EIF2AK4: variants seen among roughly 807,000 people sequenced by gnomAD.
EIF2AK4 encodes eukaryotic translation initiation factor 2 alpha kinase 4.
EIF2AK4 carries 139 observed loss-of-function variants against 211.1 expected under a neutral mutation model. The ratio of observed to expected loss-of-function variants is 0.66; its 90% confidence interval spans 0.57 to 0.76. The LOEUF is 0.76. EIF2AK4 is among the 30% of genes least tolerant of loss of function. The pLI, the probability that EIF2AK4 is intolerant of heterozygous loss-of-function variation, is 0.00. For synonymous variants in EIF2AK4, 710 were observed against 751.3 expected (o/e 0.94, Z 0.90); for missense variants, 1,664 against 2,043.8 (o/e 0.81, Z 3.58).
intron 14 of EIF2AK4, 94 bp from the exon 15 acceptor site, chr15:39,987,889 C>A: frequency 7.0e-7 from 1 of 1,422,194 alleles, no homozygotes; most frequent in Non-Finnish European, 9.7e-7. Context: ...ACCCATGGTA[C>A]ACGTTTTAAA....
intron 24 of EIF2AK4, 121 bp downstream of exon 24, chr15:40,007,186 AT>A: frequency 1.1e-6 from 1 of 915,038 alleles, no homozygotes; most frequent in Non-Finnish European, 1.6e-6. Flanking sequence ...TGGGTTCAGA[AT>A]ATTGAGCTTA....
chr15:39,970,256 T>C (rs1356531944), intron 9 of EIF2AK4, among the ~76,000 whole-genome samples: 1 of 152,258 alleles, frequency 6.6e-6, no homozygotes, highest in East Asian at 1.9e-4. Context: ...GAGAAGTTCA[T>C]TTTTAAAGTG....
chr15:40,014,430 A>G (rs1418004050), intron 27 of EIF2AK4, among the ~76,000 whole-genome samples: 2 of 152,208 alleles, frequency 1.3e-5, no homozygotes, highest in African/African-American at 4.8e-5. Flanking sequence ...GTGCATCTGC[A>G]GGCTCAACAG....
At chr15:39,941,403 G>A (rs1171144072) in intron 2 of EIF2AK4, among the ~76,000 whole-genome samples, 1 of 152,130 alleles carries the variant, frequency 6.6e-6, no homozygotes, top group African/African-American at 2.4e-5. Context: ...AAAAACATAA[G>A]ATGCTCCTCT....
Position 40,022,570 on chromosome 15 carries a change from G to A in EIF2AK4, c.4354G>A (p.Ala1452Thr), listed in dbSNP as rs2035405785. ...YCRHHEITYV[A>T]LVSDKEGSHV... ...CAGACATCATGAAATCACCTATGTG[G>A]CCCTTGTCTCGGATAAAGAAGGAAG... The change falls in exon 32 of 39, where the codon GCC (alanine) becomes ACC (threonine). Residue 1452 changes from alanine to threonine, a missense_variant. Physicochemically the swap from Ala to Thr is moderately conservative, Grantham distance 58. Transcript: ENST00000263791. The A allele has an allele frequency of 6.2e-7, 1 of 1,614,162 alleles. No homozygotes were observed. The highest frequency in any genetic ancestry group is 2.2e-5 in the East Asian group (1 of 44,872).
rs1365038448 is a variant in EIF2AK4 at position 39,942,671 on chromosome 15, G to T, written c.258-712G>T. ...GAAACCCGAGGGCTGGTTGTGTAAT[G>T]TCCTTGAGTTGAAAGTGTTGACTTA... On this transcript the variant is annotated intron_variant, in intron 2 of 38. Coordinates refer to ENST00000263791, the MANE Select transcript of EIF2AK4 (RefSeq NM_001013703.4). Among the ~76,000 whole-genome samples, 3 of 152,316 alleles carry T rather than the reference G, an allele frequency of 2.0e-5. No individual in the cohort carries two copies. The East Asian group carries it at 5.8e-4, about 29-fold the overall frequency.
chr15:39,945,467 T>A (rs1334575511), intron 3 of EIF2AK4, among the ~76,000 whole-genome samples: 1 of 152,204 alleles, frequency 6.6e-6, no homozygotes, highest in East Asian at 1.9e-4. Flanking sequence ...ATGAGGGAGC[T>A]GCAGAAGAAA....
intron 3 of EIF2AK4, among the ~76,000 whole-genome samples, chr15:39,946,289 A>C (rs2034226665): frequency 6.6e-6 from 1 of 152,214 alleles, no homozygotes; most frequent in South Asian, 2.1e-4. Flanking sequence ...CAACATGAAC[A>C]GGAGTTTGGA....
chr15:40,011,190 A>C (rs1257619777), intron 26 of EIF2AK4, 91 bp from the exon 27 acceptor site: 8 of 1,015,422 alleles, frequency 7.9e-6, no homozygotes, highest in Non-Finnish European at 1.2e-5. Flanking sequence ...TTCAAAATGA[A>C]GGCTATACTT....
intron 7 of EIF2AK4, among the ~76,000 whole-genome samples, chr15:39,963,509 T>C (rs1236157116): frequency 6.6e-6 from 1 of 152,246 alleles, no homozygotes; most frequent in Non-Finnish European, 1.5e-5. Flanking sequence ...TTTTAAAATA[T>C]GCCCTAATTG....
At chr15:40,019,976 T>C (rs2035360710) in intron 30 of EIF2AK4, among the ~76,000 whole-genome samples, 1 of 151,706 alleles carries the variant, frequency 6.6e-6, no homozygotes, top group African/African-American at 2.4e-5. Flanking sequence ...CTGGGCAACA[T>C]AGCAAAACCC....
At chr15:39,969,034 T>C (rs1413795357) in intron 9 of EIF2AK4, among the ~76,000 whole-genome samples, 1 of 152,098 alleles carries the variant, frequency 6.6e-6, no homozygotes, top group Non-Finnish European at 1.5e-5. Context: ...TTAAACATAT[T>C]TATTTAAATG....
In EIF2AK4 at chr15:39,945,261, C is replaced by T. The variant is rs868516295; in HGVS notation, c.360+1776C>T. 9.2e-5 allele frequency among the ~76,000 whole-genome samples: 14 copies of T among 151,860 alleles called. No individual in the cohort carries two copies. The South Asian group carries it at 1.7e-3, about 18-fold the overall frequency. On this transcript the variant is annotated intron_variant, in intron 3 of 38. Coordinates refer to ENST00000263791, the MANE Select transcript of EIF2AK4 (RefSeq NM_001013703.4). ...TCCCAAAGTGCTAGGATTACAGGCC[C>T]GAGCCACCACACCCAGCCTGATTTA...
chr15:40,009,524 G>A lies in EIF2AK4; in HGVS notation c.3577-90G>A, dbSNP rs2035208621. 3 of 739,618 alleles carry A rather than the reference G, an allele frequency of 4.1e-6. No homozygotes were observed. In the South Asian group the frequency reaches 5.2e-5, roughly 13 times the overall value. The allele number at this position is 739,618 out of a possible 1,614,324, so 45.8% of individuals were successfully genotyped here. A position where few individuals can be genotyped will look rare whatever the true frequency, so the allele number is the denominator to read the frequency against. ...TAAATTCAATCCTTCCATTGTGTTA[G>A]GATGACAAATTGGTGGTAAGTTTCC... On this transcript the variant is annotated intron_variant, in intron 25 of 38. Coordinates refer to ENST00000263791, the MANE Select transcript of EIF2AK4 (RefSeq NM_001013703.4).
At chr15:39,949,528 T>A (rs890988717) in intron 4 of EIF2AK4, among the ~76,000 whole-genome samples, 10 of 152,116 alleles carry the variant, frequency 6.6e-5, no homozygotes, top group African/African-American at 2.2e-4. Context: ...CCACCTGTGG[T>A]CTTTTGGAGC....
chr15:39,982,465 C>T (rs2034804651), intron 13 of EIF2AK4, among the ~76,000 whole-genome samples: 1 of 152,200 alleles, frequency 6.6e-6, no homozygotes. Context: ...TGTGTAGCAA[C>T]AGACCTGTAA....
At chr15:39,993,336 A>T (rs2034977103) in intron 18 of EIF2AK4, among the ~76,000 whole-genome samples, 1 of 152,238 alleles carries the variant, frequency 6.6e-6, no homozygotes, top group Non-Finnish European at 1.5e-5. Flanking sequence ...TGGTGGATGA[A>T]ACAGACAACA....
intron 12 of EIF2AK4, 96 bp downstream of exon 12, chr15:39,976,940 C>CCTTCT (rs2034706636): frequency 2.2e-6 from 3 of 1,348,836 alleles, no homozygotes; most frequent in South Asian, 3.4e-5. Context: ...TTCCTTCCTT[C>CCTTCT]TTTCCTTCTT....
chr15:39,994,452 C>CA (rs991331752), intron 18 of EIF2AK4, among the ~76,000 whole-genome samples: 9 of 151,914 alleles, frequency 5.9e-5, no homozygotes, highest in African/African-American at 2.2e-4. Context: ...TACTAAACAT[C>CA]AAAAAAATTA....
Sources: gnomAD v4.1 joint callset for allele counts (sites outside exome capture counted in the v4.1 genomes callset) on GRCh38, gnomAD v4.1.1 for gene constraint, MANE v1.5 for transcripts, NCBI Gene and HGNC (gene_info 2026-07-23, HGNC 2026-07-21) for gene names.